Variants in GSK3B observed in about 807,000 individuals in gnomAD.
GSK3B encodes glycogen synthase kinase 3 beta, also known as glycogen synthase kinase-3 beta.
Under a neutral mutation model 56.4 loss-of-function variants are expected in GSK3B, and 15 were observed. The ratio of observed to expected loss-of-function variants is 0.27; its 90% confidence interval spans 0.18 to 0.41. The LOEUF (loss-of-function observed/expected upper bound fraction) is 0.41. GSK3B is among the 10% of genes least tolerant of loss of function. GSK3B has a pLI of 1.00. For missense variants in GSK3B, 300 were observed against 513.4 expected, an observed-to-expected ratio of 0.58 and a Z score of 4.02; for synonymous variants, 181 against 188.9, an observed-to-expected ratio of 0.96 and a Z score of 0.34.
intron 2 of GSK3B, among the ~76,000 whole-genome samples, chr3:119,993,930 A>G (rs1266921147): frequency 6.6e-6 from 1 of 152,204 alleles, no homozygotes; most frequent in African/African-American, 2.4e-5. Context: ...CCCAGGCTGG[A>G]GTGCAGTGAT....
intron 8 of GSK3B, among the ~76,000 whole-genome samples, chr3:119,869,591 T>C (rs2056227565): frequency 1.3e-5 from 2 of 152,232 alleles, no homozygotes; most frequent in South Asian, 4.1e-4. Flanking sequence ...CTGTACTAAT[T>C]AAAAGCCTTA....
At chr3:120,055,522 C>T (rs140105779) in intron 1 of GSK3B, among the ~76,000 whole-genome samples, 235 of 152,122 alleles carry the variant, frequency 1.5e-3, no homozygotes, top group Middle Eastern at 3.4e-3. Context: ...GAGCAAAATG[C>T]CACAATCAGT....
chr3:119,936,603 C>T (rs1010371061), intron 3 of GSK3B, among the ~76,000 whole-genome samples: 3 of 151,654 alleles, frequency 2.0e-5, no homozygotes, highest in Non-Finnish European at 4.4e-5. Flanking sequence ...CTGCCTTGGC[C>T]TCCCAAAGTG....
intron 10 of GSK3B, among the ~76,000 whole-genome samples, 188 bp from the exon 11 acceptor site, chr3:119,827,043 C>T (rs1470869037): frequency 6.6e-6 from 1 of 152,226 alleles, no homozygotes; most frequent in African/African-American, 2.4e-5. Flanking sequence ...GTTCATGCCT[C>T]AGCATGGTCC....
intron 1 of GSK3B, among the ~76,000 whole-genome samples, chr3:120,038,052 T>A (rs2058036825): frequency 6.6e-6 from 1 of 152,172 alleles, no homozygotes; most frequent in Non-Finnish European, 1.5e-5. Flanking sequence ...AACCTAAAAA[T>A]ACATTTACAT....
intron 1 of GSK3B, among the ~76,000 whole-genome samples, chr3:120,071,129 A>G (rs946070360): frequency 6.6e-6 from 1 of 152,330 alleles, no homozygotes; most frequent in East Asian, 1.9e-4. Context: ...TTGGCCACAG[A>G]CTATTTATTA....
intron 2 of GSK3B, among the ~76,000 whole-genome samples, chr3:119,997,105 G>GT (rs1355683260): frequency 1.3e-5 from 2 of 152,146 alleles, no homozygotes; most frequent in Non-Finnish European, 2.9e-5. Context: ...TAGTTCACCA[G>GT]TAACATTTTA....
At chr3:119,998,803 G>A (rs1304331037) in intron 2 of GSK3B, among the ~76,000 whole-genome samples, 2 of 151,972 alleles carry the variant, frequency 1.3e-5, no homozygotes, top group African/African-American at 4.8e-5. Flanking sequence ...ATTTAAAACA[G>A]AAAAGAAAGT....
intron 7 of GSK3B, among the ~76,000 whole-genome samples, chr3:119,883,323 A>C (rs1277829954): frequency 1.3e-5 from 2 of 152,168 alleles, no homozygotes; most frequent in Admixed American, 6.6e-5. Context: ...ATATAGGAAA[A>C]AAAGCACTTA....
chr3:120,009,350 T>C (rs773336180), intron 1 of GSK3B, among the ~76,000 whole-genome samples: 17 of 152,112 alleles, frequency 1.1e-4, no homozygotes, highest in African/African-American at 2.4e-4. Context: ...ACCCAAAGGA[T>C]TATAAATCAT....
In GSK3B at chr3:119,843,304, A is replaced by G; in HGVS notation, c.1146T>C (p.Ala382=). Residue 382 remains alanine, a synonymous_variant, in exon 10 of 11, where the codon GCT becomes GCC. Transcript: ENST00000264235. The part of the protein sequence containing the change: ...PLATILIPPH[A]RIQAAASTPT... ...GGGTTGAAGCAGCTGCTTGAATCCGAGCATGAGGAGGAATAAGGATGGTAG... is the reference window on the plus strand; with the variant it reads ...GGGTTGAAGCAGCTGCTTGAATCCGGGCATGAGGAGGAATAAGGATGGTAG... 2 of 1,611,478 alleles carry G rather than the reference A, an allele frequency of 1.2e-6. No individual in the cohort carries two copies. The highest frequency in any genetic ancestry group is 1.7e-6 in the Non-Finnish European group (2 of 1,178,098).
chr3:120,052,973 G>A (rs910707551), intron 1 of GSK3B, among the ~76,000 whole-genome samples: 1 of 152,174 alleles, frequency 6.6e-6, no homozygotes, highest in Non-Finnish European at 1.5e-5. Context: ...GTAAGTGTTA[G>A]AGCTGGGATT....
chr3:119,849,626 C>T (rs1380634228), intron 9 of GSK3B, among the ~76,000 whole-genome samples: 1 of 152,076 alleles, frequency 6.6e-6, no homozygotes, highest in Non-Finnish European at 1.5e-5. Flanking sequence ...CAGTTGAAGG[C>T]CACAGCAGTT....
chr3:119,912,093 G>C (rs563247347), intron 6 of GSK3B, among the ~76,000 whole-genome samples: 125 of 152,216 alleles, frequency 8.2e-4, no homozygotes, highest in African/African-American at 2.8e-3. Flanking sequence ...GATTAAAAGT[G>C]AAAAATGTAC....
At chr3:120,063,158 T>G (rs1461004257) in intron 1 of GSK3B, among the ~76,000 whole-genome samples, 1 of 152,208 alleles carries the variant, frequency 6.6e-6, no homozygotes, top group Non-Finnish European at 1.5e-5. Flanking sequence ...ATGCTGCACA[T>G]GCCTTTAATA....
intron 1 of GSK3B, among the ~76,000 whole-genome samples, chr3:120,073,653 A>C (rs1319047265): frequency 1.3e-5 from 2 of 152,190 alleles, no homozygotes; most frequent in African/African-American, 4.8e-5. Flanking sequence ...TAATTCTTCC[A>C]ATTTCGGGCA....
chr3:119,925,725 T>C (rs1430423558), intron 3 of GSK3B, among the ~76,000 whole-genome samples: 1 of 152,100 alleles, frequency 6.6e-6, no homozygotes, highest in Non-Finnish European at 1.5e-5. Flanking sequence ...AAACTATCTC[T>C]AACCACACTA....
intron 10 of GSK3B, among the ~76,000 whole-genome samples, chr3:119,838,166 G>A (rs909557687): frequency 2.0e-5 from 3 of 151,796 alleles, no homozygotes; most frequent in Admixed American, 1.3e-4. Context: ...GTGCGCGCCT[G>A]TAATCCGAGC....
chr3:120,088,220 C>A (rs2107584793), intron 1 of GSK3B, among the ~76,000 whole-genome samples: 1 of 152,164 alleles, frequency 6.6e-6, no homozygotes, highest in South Asian at 2.1e-4. Context: ...AATCTTATAC[C>A]ACATCAAATG....
Sources: allele counts gnomAD v4.1 joint callset (sites outside exome capture counted in the v4.1 genomes callset), GRCh38; gene constraint gnomAD v4.1.1; transcripts MANE v1.5; gene names NCBI Gene and HGNC (gene_info 2026-07-23, HGNC 2026-07-21).